RETREG1: variants seen among roughly 807,000 people sequenced by gnomAD.
RETREG1 encodes the protein family with sequence similarity 134 member B.
RETREG1 carries 44 observed loss-of-function variants against 54.8 expected under a neutral mutation model. That is an observed-to-expected ratio of 0.80 (90% confidence interval 0.63 to 1.03). RETREG1 has a LOEUF of 1.03. Among genes scored for constraint, RETREG1 ranks in the 50% least tolerant of loss-of-function variants. The pLI, the probability that RETREG1 is intolerant of heterozygous loss-of-function variation, is 0.00. For synonymous variants in RETREG1, 217 were observed against 238.5 expected (o/e 0.91, Z 0.83); for missense variants, 554 against 605.1 (o/e 0.92, Z 0.89).
intron 1 of RETREG1, among the ~76,000 whole-genome samples, chr5:16,598,935 T>C (rs571130068): frequency 6.6e-6 from 1 of 152,300 alleles, no homozygotes; most frequent in African/African-American, 2.4e-5. Flanking sequence ...CCTAGCACTT[T>C]GGGAAGCTGA....
chr5:16,481,762 T>C (rs937044926), intron 4 of RETREG1, among the ~76,000 whole-genome samples: 6 of 152,086 alleles, frequency 3.9e-5, no homozygotes, highest in African/African-American at 1.4e-4. Flanking sequence ...CATTTATGGT[T>C]AAAAAATCTT....
chr5:16,513,558 G>A (rs1216146162), intron 3 of RETREG1, among the ~76,000 whole-genome samples: 5 of 152,204 alleles, frequency 3.3e-5, no homozygotes, highest in African/African-American at 4.8e-5. Context: ...CCAGCCATCC[G>A]ATGGACCGGC....
chr5:16,512,225 C>G lies in RETREG1; in HGVS notation c.459-28753G>C, dbSNP rs1460293390. Among the ~76,000 whole-genome samples, 4 of 152,142 alleles carry G rather than the reference C, an allele frequency of 2.6e-5. No individual in the cohort carries two copies. The East Asian group carries it at 7.7e-4, about 29-fold the overall frequency. On this transcript the variant is annotated intron_variant, in intron 3 of 8. Coordinates refer to ENST00000306320, the MANE Select transcript of RETREG1 (RefSeq NM_001034850.3). ...CCCTGAGTGCCACAGAAGTGATCAC[C>G]AAGATTTTTAGATGCTGAAACTGTG...
intron 1 of RETREG1, among the ~76,000 whole-genome samples, chr5:16,573,902 G>A (rs924145130): frequency 6.6e-6 from 1 of 151,998 alleles, no homozygotes; most frequent in Non-Finnish European, 1.5e-5. Flanking sequence ...CTGCCACCAC[G>A]CCCAGCTAAT....
intron 3 of RETREG1, among the ~76,000 whole-genome samples, chr5:16,517,599 T>C (rs1364505298): frequency 6.6e-6 from 1 of 152,094 alleles, no homozygotes; most frequent in African/African-American, 2.4e-5. Flanking sequence ...CCTAACATAT[T>C]GAGCTACACT....
At chr5:16,596,358 C>T (rs182501605) in intron 1 of RETREG1, among the ~76,000 whole-genome samples, 182 of 152,290 alleles carry the variant, frequency 1.2e-3, no homozygotes, top group Admixed American at 2.4e-3. Context: ...ATCTGCCACT[C>T]CAGAGGCACA....
intron 3 of RETREG1, among the ~76,000 whole-genome samples, chr5:16,520,458 T>A (rs1740498623): frequency 6.6e-6 from 1 of 151,946 alleles, no homozygotes; most frequent in Non-Finnish European, 1.5e-5. Flanking sequence ...GCCTCCCGAG[T>A]AGCGGGGATT....
intron 3 of RETREG1, 93 bp from the exon 4 acceptor site, chr5:16,483,565 T>C: frequency 7.4e-7 from 1 of 1,347,800 alleles, no homozygotes; most frequent in Non-Finnish European, 1.0e-6. Flanking sequence ...GCATCTACTG[T>C]TGGCCACACC....
intron 3 of RETREG1, among the ~76,000 whole-genome samples, chr5:16,497,730 G>A (rs13183291): frequency 0.23 from 35,417 of 152,024 alleles, 4,421 homozygotes; most frequent in Middle Eastern, 0.29. Context: ...ATGCATGGCA[G>A]ACCACACTAA....
intron 3 of RETREG1, among the ~76,000 whole-genome samples, chr5:16,524,232 A>C (rs181774087): frequency 2.0e-5 from 3 of 152,328 alleles, no homozygotes; most frequent in Admixed American, 1.3e-4. Context: ...ACAAGGCGAC[A>C]CATGTGCTCC....
At chr5:16,483,969 A>G (rs1366482807) in intron 3 of RETREG1, among the ~76,000 whole-genome samples, 1 of 152,144 alleles carries the variant, frequency 6.6e-6, no homozygotes, top group African/African-American at 2.4e-5. Flanking sequence ...TTAAACCTTA[A>G]GGATTGGGAA....
chr5:16,528,505 G>A (rs1224068931), intron 3 of RETREG1, among the ~76,000 whole-genome samples: 2 of 152,122 alleles, frequency 1.3e-5, no homozygotes, highest in Non-Finnish European at 2.9e-5. Context: ...TGGATGACAT[G>A]GAGGCCAGTC....
intron 3 of RETREG1, among the ~76,000 whole-genome samples, chr5:16,558,380 G>C (rs184758047): frequency 2.0e-5 from 3 of 152,152 alleles, no homozygotes; most frequent in Admixed American, 2.0e-4. Flanking sequence ...AAAGATGCAG[G>C]CCCCTTGACC....
At chr5:16,477,890 C>A (rs1283368778) in intron 7 of RETREG1, 102 bp from the exon 8 acceptor site, 1 of 1,459,326 alleles carries the variant, frequency 6.9e-7, no homozygotes, top group Non-Finnish European at 9.5e-7. Flanking sequence ...TAATAAAAAC[C>A]AAATGGATAT....
rs867887457 is a variant in RETREG1 at position 16,491,828 on chromosome 5, G to A, written c.459-8356C>T. 3.9e-5 allele frequency among the ~76,000 whole-genome samples: 6 copies of A among 152,226 alleles called. No homozygotes were observed. In the South Asian group the frequency reaches 1.2e-3, roughly 32 times the overall value. ...CCTTGATCCCCAGAGTTCATGACCA[G>A]CCTAGACAACATGGCAAGACCCTGT... On this transcript the variant is annotated intron_variant, in intron 3 of 8. Transcript: ENST00000306320.
chr5:16,560,301 G>A (rs2126624534), intron 3 of RETREG1, among the ~76,000 whole-genome samples: 1 of 152,298 alleles, frequency 6.6e-6, no homozygotes, highest in East Asian at 1.9e-4. Flanking sequence ...TTTTCCCAAA[G>A]AGTAAATGAT....
intron 3 of RETREG1, among the ~76,000 whole-genome samples, chr5:16,531,917 A>T (rs547824270): frequency 6.6e-6 from 1 of 152,274 alleles, no homozygotes; most frequent in South Asian, 2.1e-4. Context: ...TTACACCAGT[A>T]TGAGTTGGGA....
intron 3 of RETREG1, among the ~76,000 whole-genome samples, chr5:16,540,807 T>C (rs1178874756): frequency 6.6e-6 from 1 of 152,214 alleles, no homozygotes; most frequent in Non-Finnish European, 1.5e-5. Context: ...AGACATGTCA[T>C]GAAGACATGT....
At chr5:16,554,073 T>C (rs2126618625) in intron 3 of RETREG1, among the ~76,000 whole-genome samples, 1 of 152,328 alleles carries the variant, frequency 6.6e-6, no homozygotes, top group South Asian at 2.1e-4. Flanking sequence ...CCCTGTCACT[T>C]GTACCTGGAG....
Sources: gnomAD v4.1 joint callset for allele counts (sites outside exome capture counted in the v4.1 genomes callset) on GRCh38, gnomAD v4.1.1 for gene constraint, MANE v1.5 for transcripts, NCBI Gene and HGNC (gene_info 2026-07-23, HGNC 2026-07-21) for gene names.